The following MCM9 variants were observed in gnomAD, a reference collection of about 807,000 sequenced individuals.
MCM9 encodes the protein minichromosome maintenance 9 homologous recombination repair factor.
In MCM9, 55 loss-of-function variants were observed where a neutral mutation model predicts 72.8. The ratio of observed to expected loss-of-function variants is 0.76; its 90% CI spans 0.61 to 0.95. MCM9 has a LOEUF of 0.95. MCM9 is among the 40% of genes least tolerant of loss of function. The pLI, the probability that MCM9 is intolerant of heterozygous loss-of-function variation, is 0.00. For missense variants in MCM9, 1,279 were observed against 1,377.0 expected (o/e 0.93, Z 1.13); for synonymous variants, 480 against 503.4 (o/e 0.95, Z 0.62).
At chr6:118,918,085 A>C (rs1403563502) in intron 5 of MCM9, 1 of 296,800 alleles carries the variant, frequency 3.4e-6, no homozygotes, top group Non-Finnish European at 6.3e-6. Flanking sequence ...GTTACATTGG[A>C]TGAAATGTTC....
At chr6:118,861,367 G>A (rs1030286858) in intron 8 of MCM9, among the ~76,000 whole-genome samples, 10 of 152,160 alleles carry the variant, frequency 6.6e-5, no homozygotes, top group Non-Finnish European at 1.3e-4. Context: ...ACTCCTTCTC[G>A]TCACCCACAA....
intron 4 of MCM9, among the ~76,000 whole-genome samples, chr6:118,923,263 A>C (rs567068979): frequency 9.3e-5 from 14 of 151,342 alleles, no homozygotes; most frequent in Non-Finnish European, 1.5e-4. Flanking sequence ...TCCAAACTCC[A>C]TATCTTGTTC....
At chr6:118,916,713 G>A (rs1011002087) in intron 6 of MCM9, among the ~76,000 whole-genome samples, 3 of 151,966 alleles carry the variant, frequency 2.0e-5, no homozygotes, top group East Asian at 3.9e-4. Context: ...TGTTGGCCAG[G>A]CTGGTTTCAA....
chr6:118,860,782 G>T (rs1440543775), intron 8 of MCM9, among the ~76,000 whole-genome samples: 1 of 152,206 alleles, frequency 6.6e-6, no homozygotes, highest in African/African-American at 2.4e-5. Context: ...TGGTTTCGTG[G>T]AGAAAATTTT....
At chr6:118,905,473 C>T (rs1432056265) in intron 8 of MCM9, among the ~76,000 whole-genome samples, 2 of 152,192 alleles carry the variant, frequency 1.3e-5, no homozygotes, top group African/African-American at 4.8e-5. Flanking sequence ...AAAACATGAA[C>T]TGTCTTTTCC....
At chr6:118,837,768 G>A (rs1018574606) in intron 9 of MCM9, among the ~76,000 whole-genome samples, 2 of 152,074 alleles carry the variant, frequency 1.3e-5, no homozygotes, top group African/African-American at 4.8e-5. Flanking sequence ...CACGTGAGAT[G>A]GGTCTCCTGA....
intron 8 of MCM9, among the ~76,000 whole-genome samples, chr6:118,864,738 T>G (rs1188168794): frequency 6.6e-6 from 1 of 152,166 alleles, no homozygotes. Flanking sequence ...TGGTTCTTAA[T>G]TCACCGGCTC....
intron 13 of MCM9, among the ~76,000 whole-genome samples, chr6:118,818,146 G>A (rs890969922): frequency 1.3e-5 from 2 of 152,118 alleles, no homozygotes; most frequent in African/African-American, 2.4e-5. Flanking sequence ...GATCCCATTT[G>A]TCAATTTTAG....
intron 9 of MCM9, among the ~76,000 whole-genome samples, chr6:118,852,564 T>C (rs1008335513): frequency 7.2e-5 from 11 of 152,236 alleles, no homozygotes; most frequent in African/African-American, 2.2e-4. Context: ...TATACTGTCC[T>C]GACCCCAAGC....
At position 118,932,713 on chromosome 6, in the gene MCM9, G is replaced by C; in HGVS notation, c.-122C>G. The C allele has an allele frequency of 1.5e-6, 1 of 651,980 alleles. No homozygotes were observed. The allele number at this position is 651,980 out of a possible 1,614,324, so 40.4% of individuals were successfully genotyped here. ...TTCCTTCTTTCTCTTTCTTACCGTA[G>C]GAAATCTACTGGGTTCTGCAGAAAC... On this transcript the variant is annotated 5_prime_UTR_variant, in exon 2 of 14. Transcript: ENST00000619706.
intron 8 of MCM9, chr6:118,894,311 C>T (rs945424646): frequency 7.3e-6 from 11 of 1,499,930 alleles, no homozygotes; most frequent in Admixed American, 2.2e-5. Flanking sequence ...CGACGTCTGG[C>T]CGGCGCTGGA....
intron 9 of MCM9, among the ~76,000 whole-genome samples, chr6:118,833,076 G>A (rs561010364): frequency 3.7e-4 from 57 of 152,276 alleles, no homozygotes; most frequent in African/African-American, 1.3e-3. Flanking sequence ...GTGGAGTACA[G>A]AAGAGGATAA....
intron 13 of MCM9, among the ~76,000 whole-genome samples, chr6:118,821,319 C>G (rs1464467494): frequency 6.6e-6 from 1 of 152,058 alleles, no homozygotes; most frequent in Admixed American, 6.6e-5. Context: ...GGCAGGCCTG[C>G]TGGTTACAAA....
chr6:118,818,963 T>C (rs150137444), intron 13 of MCM9, among the ~76,000 whole-genome samples: 28 of 152,364 alleles, frequency 1.8e-4, no homozygotes, highest in African/African-American at 6.3e-4. Context: ...TTGGTGCACA[T>C]TGATTTTGTA....
chr6:118,890,245 A>T (rs1176643357), intron 8 of MCM9, among the ~76,000 whole-genome samples: 1 of 152,132 alleles, frequency 6.6e-6, no homozygotes, highest in African/African-American at 2.4e-5. Context: ...AAATGATACC[A>T]ATCTATTTTT....
At chr6:118,826,013 T>C in intron 13 of MCM9, 134 bp downstream of exon 13, 1 of 903,476 alleles carries the variant, frequency 1.1e-6, no homozygotes, top group Non-Finnish European at 1.6e-6. Context: ...ATAGATAGTA[T>C]CTGCCTGTCC....
At chr6:118,863,661 A>G (rs1156650442) in intron 8 of MCM9, among the ~76,000 whole-genome samples, 1 of 152,194 alleles carries the variant, frequency 6.6e-6, no homozygotes, top group Non-Finnish European at 1.5e-5. Context: ...GGTAATTAGG[A>G]TTAGATGAGA....
In MCM9 at chr6:118,815,163, A is replaced by T. The variant is rs966985133; in HGVS notation, c.3093T>A (p.Leu1031=). Residue 1031 remains leucine, a synonymous_variant, in exon 14 of 14, where the codon CTT becomes CTA. Coordinates refer to ENST00000619706, the MANE Select transcript of MCM9 (RefSeq NM_017696.3). ...CTTCCTTTTTGTCTCCCTCACAAGT[A>T]AGATGAGCACACCCAGTCTCGTTCC... ...ELGNETGCAH[L]TCEGDKKEEV... The T allele has an allele frequency of 1.9e-6, 3 of 1,550,528 alleles. No individual in the cohort carries two copies. The Admixed American group carries it at 5.9e-5, about 30-fold the overall frequency.
At chr6:118,854,455 C>T (rs560867603) in intron 9 of MCM9, among the ~76,000 whole-genome samples, 2 of 152,296 alleles carry the variant, frequency 1.3e-5, no homozygotes, top group East Asian at 1.9e-4. Context: ...CAGGTTCAAG[C>T]GATTCTCCTG....
Sources: gnomAD v4.1 joint callset for allele counts (sites outside exome capture counted in the v4.1 genomes callset) on GRCh38, gnomAD v4.1.1 for gene constraint, MANE v1.5 for transcripts, NCBI Gene and HGNC (gene_info 2026-07-23, HGNC 2026-07-21) for gene names.